Variants in SAR1A observed in about 807,000 individuals in gnomAD.
SAR1A encodes secretion associated Ras related GTPase 1A.
A neutral mutation model predicts 22.6 loss-of-function variants in SAR1A; 6 were observed. That is an observed-to-expected ratio of 0.27 (90% CI 0.15 to 0.52). The LOEUF (loss-of-function observed/expected upper bound fraction) is 0.52, where lower values mean the gene tolerates loss of function less well. Among genes scored for constraint, SAR1A ranks in the 20% least tolerant of loss-of-function variants. The pLI, the probability that SAR1A is intolerant of heterozygous loss-of-function variation, is 0.96. For synonymous variants in SAR1A, 70 were observed against 82.2 expected (o/e 0.85, Z 0.80); for missense variants, 145 against 245.1 (o/e 0.59, Z 2.73).
chr10:70,157,099 A>T (rs1156649609), intron 5 of SAR1A, among the ~76,000 whole-genome samples: 1 of 152,168 alleles, frequency 6.6e-6, no homozygotes, highest in East Asian at 1.9e-4. Flanking sequence ...TGCCAACACT[A>T]CTTATAAAGA....
At chr10:70,166,769 C>T (rs1174700421) in intron 1 of SAR1A, 2 of 151,606 alleles carry the variant, frequency 1.3e-5, no homozygotes, top group African/African-American at 4.9e-5. Flanking sequence ...GGGGATTCCT[C>T]CCTGACCTCA....
chr10:70,161,193 TG>T (rs1452448063), intron 3 of SAR1A, 124 bp from the exon 4 acceptor site: 13 of 724,946 alleles, frequency 1.8e-5, no homozygotes, highest in Admixed American at 5.4e-5. Context: ...TTGAGTGTGG[TG>T]GTACCCGCCT....
At chr10:70,166,441 A>C (rs1301879751) in intron 1 of SAR1A, among the ~76,000 whole-genome samples, 1 of 152,218 alleles carries the variant, frequency 6.6e-6, no homozygotes, top group East Asian at 1.9e-4. Context: ...AATGAAAAAC[A>C]TATTAATCTA....
In SAR1A at chr10:70,164,829, C is replaced by G. The variant is rs115987893; in HGVS notation, c.-16-2898G>C. On this transcript the variant is annotated intron_variant, in intron 1 of 6. Transcript: ENST00000373241. The stretch of plus-strand genomic sequence containing the variant: ...AAGTATTTTAAGCCCACTGTGAAGA[C>G]CTATTGCTCAGAAAAAAAGATTTGA... Among the ~76,000 whole-genome samples, 1,124 of 152,250 alleles carry G rather than the reference C, an allele frequency of 7.4e-3. 8 individuals carry two copies. Among genetic ancestry groups the G allele is most frequent in the African/African-American group, 0.025 (1,057 of 41,524 alleles).
In SAR1A at chr10:70,152,590, C is replaced by T. The variant is rs200075658; in HGVS notation, c.483G>A (p.Gly161=). The T allele has an allele frequency of 5.0e-5, 81 of 1,610,316 alleles. No individual in the cohort carries two copies. In the Admixed American group the frequency reaches 1.3e-3, roughly 26 times the overall value. ...FGLYGQTTGK[G]NVTLKELNAR... ...CATTCAGCTCCTTCAGGGTCACATT[C>T]CCCTAAAGGAGGCAAAACCAAGAAA... is the stretch of plus-strand genomic sequence containing the variant. Residue 161 remains glycine, a splice_region_variant and synonymous_variant, in exon 7 of 7, where the codon GGG becomes GGA. Transcript: ENST00000373241.
chr10:70,154,502 G>GT (rs1340786034), intron 5 of SAR1A, among the ~76,000 whole-genome samples: 54 of 127,684 alleles, frequency 4.2e-4, no homozygotes, highest in South Asian at 4.1e-3. Flanking sequence ...TTCACATTAT[G>GT]TTTTTTTTCT....
intron 1 of SAR1A, chr10:70,162,914 A>C (rs368727967): frequency 6.6e-6 from 1 of 152,240 alleles, no homozygotes; most frequent in South Asian, 2.1e-4. Context: ...CTTTGGTATT[A>C]CTAGTATAAT....
In SAR1A at chr10:70,152,275, G is replaced by A. The variant is rs1408763791; in HGVS notation, c.*201C>T. The A allele has an allele frequency of 2.3e-5, 23 of 988,602 alleles. No homozygotes were observed. Among genetic ancestry groups the A allele is most frequent in the South Asian group, 8.3e-5 (6 of 72,136 alleles). 61.2% of individuals were successfully genotyped at this position (988,602 alleles called of 1,614,324 possible). On this transcript the variant is annotated 3_prime_UTR_variant, in exon 7 of 7. Coordinates refer to ENST00000373241, the MANE Select transcript of SAR1A (RefSeq NM_020150.5). Reference sequence around the variant, plus strand: ...CCAGGATACTGACCTGCACCAGCACGTGGGGCAGCATTACCTCCCAACAGT... The same window carrying A: ...CCAGGATACTGACCTGCACCAGCACATGGGGCAGCATTACCTCCCAACAGT...
rs1839303990 is a variant in SAR1A at position 70,149,599 on chromosome 10, A to C, written c.*2877T>G. 1 of 111,992 alleles carries C rather than the reference A, an allele frequency of 8.9e-6. No individual in the cohort carries two copies. The highest frequency in any genetic ancestry group is 1.6e-5 in the Non-Finnish European group (1 of 61,166). 6.9% of individuals were successfully genotyped at this position (111,992 alleles called of 1,614,324 possible). Reference sequence around the variant, plus strand: ...TAGAGAGAGTCTTGCTCTGTCACCCAGGCAGGAGTACAGTGGCATGATCTC... The same window carrying C: ...TAGAGAGAGTCTTGCTCTGTCACCCCGGCAGGAGTACAGTGGCATGATCTC... On this transcript the variant is annotated 3_prime_UTR_variant, in exon 7 of 7. Transcript: ENST00000373241.
At position 70,149,699 on chromosome 10, in the gene SAR1A, A is replaced by G. The variant is rs1343770007; in HGVS notation, c.*2777T>C. 1.3e-5 allele frequency: 2 copies of G among 151,680 alleles called. No homozygotes were observed. Among genetic ancestry groups the G allele is most frequent in the African/African-American group, 4.8e-5 (2 of 41,248 alleles). The allele number at this position is 151,680 out of a possible 1,614,324, so 9.4% of individuals were successfully genotyped here. Reference sequence around the variant, plus strand: ...CTCCAGAGTAGCTGGGAGCTACTCCATGTACCACAATGCCCAGCTAATTTT... The same window carrying G: ...CTCCAGAGTAGCTGGGAGCTACTCCGTGTACCACAATGCCCAGCTAATTTT... On this transcript the variant is annotated 3_prime_UTR_variant, in exon 7 of 7. Coordinates refer to ENST00000373241, the MANE Select transcript of SAR1A (RefSeq NM_020150.5).
intron 1 of SAR1A, among the ~76,000 whole-genome samples, chr10:70,167,039 T>C (rs980697246): frequency 6.6e-6 from 1 of 152,008 alleles, no homozygotes; most frequent in Non-Finnish European, 1.5e-5. Context: ...TTTCAGGATA[T>C]AGCAGTAAGT....
At chr10:70,156,188 A>G (rs1362553630) in intron 5 of SAR1A, among the ~76,000 whole-genome samples, 1 of 152,168 alleles carries the variant, frequency 6.6e-6, no homozygotes, top group East Asian at 1.9e-4. Context: ...AGAGAAATGC[A>G]TTTGAGAGTC....
At chr10:70,159,337 T>C (rs926223414) in intron 4 of SAR1A, among the ~76,000 whole-genome samples, 1 of 152,226 alleles carries the variant, frequency 6.6e-6, no homozygotes, top group Non-Finnish European at 1.5e-5. Flanking sequence ...AATCACTGAC[T>C]ATAAAATTAT....
At chr10:70,154,998 T>C in intron 5 of SAR1A, 1 of 451,662 alleles carries the variant, frequency 2.2e-6, no homozygotes, top group Non-Finnish European at 4.5e-6. Context: ...GGACAATAAT[T>C]CAGGAAGCCA....
rs1366182637 is a variant in SAR1A at position 70,158,932 on chromosome 10, AT to A, written c.245-1066del. 7.9e-5 allele frequency among the ~76,000 whole-genome samples: 12 copies of A among 152,178 alleles called. 1 individual carries two copies. Among genetic ancestry groups the A allele is most frequent in the African/African-American group, 1.2e-4 (5 of 41,434 alleles). ...ACTTTTAACAAAACCTGAAACCTAA[AT>A]TTATCACACCAAACAATCTACAATT... On this transcript the variant is annotated intron_variant, in intron 4 of 6. Transcript: ENST00000373241.
In SAR1A at chr10:70,147,732, C is replaced by G. The variant is rs1007483310; in HGVS notation, c.*4744G>C. Reference sequence around the variant, plus strand: ...ACTGCTCTACTTTTCCAAAGAAGTACGCTTTAGGACAGAGGAGGATGAACG... The same window carrying G: ...ACTGCTCTACTTTTCCAAAGAAGTAGGCTTTAGGACAGAGGAGGATGAACG... On this transcript the variant is annotated 3_prime_UTR_variant, in exon 7 of 7. Transcript: ENST00000373241. The G allele has an allele frequency of 5.3e-5, 8 of 152,178 alleles. No homozygotes were observed. The highest frequency in any genetic ancestry group is 1.9e-4 in the African/African-American group (8 of 41,442). 9.4% of individuals were successfully genotyped at this position (152,178 alleles called of 1,614,324 possible). A position where few individuals can be genotyped will look rare whatever the true frequency, so the allele number is the denominator to read the frequency against.
chr10:70,153,729 CCTAAGCCTGT>C, intron 6 of SAR1A, 99 bp downstream of exon 6: 1 of 906,166 alleles, frequency 1.1e-6, no homozygotes, highest in Non-Finnish European at 1.6e-6. Context: ...TAAAACTAAT[CCTAAGCCTGT>C]TTAAGCCTTT....
chr10:70,153,721 A>C lies in SAR1A; in HGVS notation c.480+117T>G, dbSNP rs1839354442. On this transcript the variant is annotated intron_variant, in intron 6 of 6. Transcript: ENST00000373241. ...GTGAGCTTACAAAATACTCACAGTAAAACTAATCCTAAGCCTGTTTAAGCC... is the reference window on the plus strand; with the variant it reads ...GTGAGCTTACAAAATACTCACAGTACAACTAATCCTAAGCCTGTTTAAGCC... 4 of 820,854 alleles carry C rather than the reference A, an allele frequency of 4.9e-6. No homozygotes were observed. In the South Asian group the frequency reaches 1.0e-4, roughly 21 times the overall value. The allele number at this position is 820,854 out of a possible 1,614,324, so 50.8% of individuals were successfully genotyped here.
In SAR1A at chr10:70,161,944, T is replaced by C. The variant is rs1303355765; in HGVS notation, c.-16-13A>G. 7 of 1,572,480 alleles carry C rather than the reference T, an allele frequency of 4.5e-6. No individual in the cohort carries two copies. In the East Asian group the frequency reaches 9.0e-5, roughly 20 times the overall value. On this transcript the variant is annotated splice_polypyrimidine_tract_variant and intron_variant, in intron 1 of 6. Transcript: ENST00000373241. ...TAATGCTTACTACCTGTATAAAATA[T>C]GAAAGTAGCAAACATTAGCTTTCTG...
Sources: gnomAD v4.1 joint callset for allele counts (sites outside exome capture counted in the v4.1 genomes callset) on GRCh38, gnomAD v4.1.1 for gene constraint, MANE v1.5 for transcripts, NCBI Gene and HGNC (gene_info 2026-07-23, HGNC 2026-07-21) for gene names.